XKR6: variants seen among roughly 807,000 people sequenced by gnomAD.
XKR6 encodes XK-related protein 6.
A neutral mutation model predicts 56.7 loss-of-function variants in XKR6; 22 were observed. That is an observed-to-expected ratio of 0.39 (90% CI 0.28 to 0.55). The LOEUF is 0.55. Among genes scored for constraint, XKR6 ranks in the 20% least tolerant of loss-of-function variants. XKR6 has a pLI of 0.66. For synonymous variants in XKR6, 524 were observed against 387.8 expected (o/e 1.35, Z -4.13); for missense variants, 852 against 889.0 (o/e 0.96, Z 0.53).
intron 1 of XKR6, among the ~76,000 whole-genome samples, chr8:11,017,109 G>A (rs928951840): frequency 1.1e-4 from 17 of 152,226 alleles, no homozygotes; most frequent in African/African-American, 3.9e-4. Context: ...GTTGGATAAA[G>A]ATGATAGTTA....
At chr8:10,999,854 A>C (rs953084462) in intron 1 of XKR6, among the ~76,000 whole-genome samples, 3 of 152,232 alleles carry the variant, frequency 2.0e-5, no homozygotes, top group Non-Finnish European at 4.4e-5. Flanking sequence ...AGGGTCAAGA[A>C]GGCATCTCCC....
chr8:11,159,070 T>C (rs779656980), intron 1 of XKR6, among the ~76,000 whole-genome samples: 1 of 152,220 alleles, frequency 6.6e-6, no homozygotes, highest in Non-Finnish European at 1.5e-5. Flanking sequence ...CTTACCTTCT[T>C]TAAGCCACAG....
chr8:10,896,869 A>G lies in XKR6; in HGVS notation c.*1083T>C, dbSNP rs1259290521. 1.3e-5 allele frequency: 2 copies of G among 152,552 alleles called. No homozygotes were observed. Among genetic ancestry groups the G allele is most frequent in the Admixed American group, 6.5e-5 (1 of 15,270 alleles). 9.4% of individuals were successfully genotyped at this position (152,552 alleles called of 1,614,324 possible). On this transcript the variant is annotated 3_prime_UTR_variant, in exon 3 of 3. Transcript: ENST00000416569. ...CAGAAGAGGCTTTACACAATATCAC[A>G]TGTGATAAATGTCTACCATTCACAG...
chr8:11,148,120 G>C (rs1022268799), intron 1 of XKR6, among the ~76,000 whole-genome samples: 2 of 152,102 alleles, frequency 1.3e-5, no homozygotes, highest in Admixed American at 6.5e-5. Flanking sequence ...TGAGGCAGGA[G>C]AATCCCTTGA....
intron 1 of XKR6, among the ~76,000 whole-genome samples, chr8:11,093,159 G>T (rs1383627364): frequency 1.3e-5 from 2 of 151,842 alleles, no homozygotes; most frequent in Non-Finnish European, 1.5e-5. Context: ...GGGTTCAAAC[G>T]ATTCTCCTGC....
In XKR6 at chr8:10,991,861, C is replaced by T. The variant is rs188050515; in HGVS notation, c.765-67031G>A. On this transcript the variant is annotated intron_variant, in intron 1 of 2. Transcript: ENST00000416569. ...TGGAATTGTCTCAAACACTGTTCTTCCCTGTTTTTGCTTCCAAATACAGGA... is the reference window on the plus strand; with the variant it reads ...TGGAATTGTCTCAAACACTGTTCTTTCCTGTTTTTGCTTCCAAATACAGGA... 1.2e-3 allele frequency among the ~76,000 whole-genome samples: 187 copies of T among 152,318 alleles called. 1 individual carries two copies. In the East Asian group the frequency reaches 0.031, roughly 25 times the overall value.
At chr8:10,899,578 G>A (rs115955489) in intron 2 of XKR6, among the ~76,000 whole-genome samples, 20 of 152,156 alleles carry the variant, frequency 1.3e-4, no homozygotes, top group South Asian at 4.2e-4. Flanking sequence ...TGGTCTTTTC[G>A]GCCTCTCCAC....
rs1043407200 is a variant in XKR6 at position 10,992,195 on chromosome 8, G to T, written c.765-67365C>A. 2.6e-5 allele frequency among the ~76,000 whole-genome samples: 4 copies of T among 152,120 alleles called. No individual in the cohort carries two copies. The South Asian group carries it at 6.2e-4, about 24-fold the overall frequency. The stretch of plus-strand genomic sequence containing the variant: ...CAGCTGTCAAATGTTTTTAAAGGAG[G>T]TTACAACAAATTAATAGATGGTGGT... On this transcript the variant is annotated intron_variant, in intron 1 of 2. Transcript: ENST00000416569.
At chr8:11,182,249 T>C (rs1803027463) in intron 1 of XKR6, among the ~76,000 whole-genome samples, 1 of 152,182 alleles carries the variant, frequency 6.6e-6, no homozygotes, top group Non-Finnish European at 1.5e-5. Context: ...TGACCACAGG[T>C]GACGTCGTAG....
intron 1 of XKR6, among the ~76,000 whole-genome samples, chr8:11,027,222 C>T (rs73196895): frequency 1.3e-5 from 2 of 152,046 alleles, no homozygotes; most frequent in African/African-American, 4.8e-5. Flanking sequence ...AGAAAAGGTA[C>T]AATAAAATAT....
chr8:11,078,342 G>A (rs1563121773), intron 1 of XKR6, among the ~76,000 whole-genome samples: 1 of 152,150 alleles, frequency 6.6e-6, no homozygotes, highest in African/African-American at 2.4e-5. Context: ...GAGAGCTCCT[G>A]CCACTTGCCC....
intron 1 of XKR6, among the ~76,000 whole-genome samples, chr8:11,118,954 A>C (rs1444548190): frequency 1.3e-5 from 2 of 152,124 alleles, no homozygotes; most frequent in Non-Finnish European, 2.9e-5. Context: ...TTAGTGCTAT[A>C]ACTTTCACTC....
chr8:11,144,121 C>A (rs1445659664), intron 1 of XKR6, among the ~76,000 whole-genome samples: 1 of 151,914 alleles, frequency 6.6e-6, no homozygotes, highest in Non-Finnish European at 1.5e-5. Context: ...TACTGGGGGT[C>A]AGGGCTTCAC....
intron 1 of XKR6, among the ~76,000 whole-genome samples, chr8:11,077,097 G>A (rs979653464): frequency 1.3e-4 from 20 of 152,228 alleles, no homozygotes; most frequent in African/African-American, 4.8e-4. Flanking sequence ...GATCACTTGA[G>A]CCTCAGGAGT....
intron 1 of XKR6, among the ~76,000 whole-genome samples, chr8:10,942,096 G>C (rs1476713796): frequency 6.6e-6 from 1 of 152,038 alleles, no homozygotes; most frequent in Non-Finnish European, 1.5e-5. Flanking sequence ...GAGGATGCAG[G>C]TGCACTATCT....
intron 1 of XKR6, among the ~76,000 whole-genome samples, chr8:11,058,026 C>T (rs1799730206): frequency 6.6e-6 from 1 of 152,194 alleles, no homozygotes; most frequent in African/African-American, 2.4e-5. Flanking sequence ...TCTAAATGAC[C>T]ACCTTCATCC....
chr8:11,043,853 A>G (rs1308381833), intron 1 of XKR6, among the ~76,000 whole-genome samples: 1 of 152,268 alleles, frequency 6.6e-6, no homozygotes, highest in Non-Finnish European at 1.5e-5. Context: ...CTGACAGAAC[A>G]GACTCTGTGG....
chr8:11,196,474 G>A (rs1443015663), intron 1 of XKR6, among the ~76,000 whole-genome samples: 1 of 152,000 alleles, frequency 6.6e-6, no homozygotes. Flanking sequence ...CAGAAAACAT[G>A]GAGTACCATT....
At chr8:11,039,861 C>T (rs941083327) in intron 1 of XKR6, among the ~76,000 whole-genome samples, 2 of 152,236 alleles carry the variant, frequency 1.3e-5, no homozygotes, top group African/African-American at 4.8e-5. Flanking sequence ...ACGCCGGGGA[C>T]AGCTGCTCTC....
Sources: gnomAD v4.1 joint callset for allele counts (sites outside exome capture counted in the v4.1 genomes callset) on GRCh38, gnomAD v4.1.1 for gene constraint, MANE v1.5 for transcripts, NCBI Gene and HGNC (gene_info 2026-07-23, HGNC 2026-07-21) for gene names.